The following PGGT1B variants were observed in gnomAD, a reference collection of about 807,000 sequenced individuals.
PGGT1B encodes the protein protein geranylgeranyltransferase type I subunit beta, also known as geranylgeranyl transferase type-1 subunit beta.
In PGGT1B, 30 loss-of-function variants were observed where a neutral mutation model predicts 46.1. The observed-to-expected ratio is 0.65, with a 90% CI of 0.49 to 0.88. The LOEUF is 0.88. Among genes scored for constraint, PGGT1B ranks in the 40% least tolerant of loss-of-function variants. PGGT1B has a pLI of 0.00. For synonymous variants in PGGT1B, 170 were observed against 160.0 expected, an observed-to-expected ratio of 1.06 and a Z score of -0.47; for missense variants, 376 against 455.9, an observed-to-expected ratio of 0.82 and a Z score of 1.60.
chr5:115,250,570 A>G (rs1748048364), intron 2 of PGGT1B, among the ~76,000 whole-genome samples: 1 of 152,184 alleles, frequency 6.6e-6, no homozygotes, highest in Non-Finnish European at 1.5e-5. Context: ...AAGTCCATGG[A>G]GTTGACAGTT....
intron 1 of PGGT1B, among the ~76,000 whole-genome samples, chr5:115,257,857 G>A (rs536024229): frequency 2.4e-4 from 37 of 152,336 alleles, no homozygotes; most frequent in Non-Finnish European, 4.1e-4. Context: ...AACCATGTCA[G>A]TGAAGAGAGA....
intron 4 of PGGT1B, 104 bp from the exon 5 acceptor site, chr5:115,236,626 CTGTT>C: frequency 3.3e-6 from 2 of 609,484 alleles, no homozygotes; most frequent in Non-Finnish European, 5.4e-6. Flanking sequence ...ACAGAAAAAT[CTGTT>C]GATTATTCTA....
At chr5:115,255,279 C>T (rs973863679) in intron 1 of PGGT1B, among the ~76,000 whole-genome samples, 2 of 152,140 alleles carry the variant, frequency 1.3e-5, no homozygotes, top group Non-Finnish European at 2.9e-5. Flanking sequence ...GAGGAATGTG[C>T]TTCTCCAAAC....
At chr5:115,214,035 T>A (rs535959225) in intron 8 of PGGT1B, among the ~76,000 whole-genome samples, 6 of 152,300 alleles carry the variant, frequency 3.9e-5, no homozygotes, top group African/African-American at 1.4e-4. Flanking sequence ...ATAAACTTGA[T>A]TTCACCTGTC....
intron 5 of PGGT1B, chr5:115,231,572 C>T (rs1043482450): frequency 2.6e-5 from 4 of 152,026 alleles, no homozygotes; most frequent in Admixed American, 2.6e-4. Context: ...TTCAGATTAC[C>T]TGTCTACAGA....
intron 2 of PGGT1B, among the ~76,000 whole-genome samples, chr5:115,246,731 G>A (rs891750884): frequency 3.3e-5 from 5 of 152,134 alleles, no homozygotes; most frequent in African/African-American, 1.2e-4. Flanking sequence ...ATAGGGCCTG[G>A]AAAATTGTAT....
Position 115,221,971 on chromosome 5 carries a change from C to T in PGGT1B, c.696G>A (p.Leu232=). 1 of 1,599,230 alleles carries T rather than the reference C, an allele frequency of 6.3e-7. No individual in the cohort carries two copies. Among genetic ancestry groups the T allele is most frequent in the Non-Finnish European group, 8.5e-7 (1 of 1,174,116 alleles). Residue 232 remains leucine, a synonymous_variant, in exon 7 of 9, where the codon CTG becomes CTA. Transcript: ENST00000419445. ...STFCGIASLC[L]MGKLEEVFSE... is the part of the protein sequence containing the mutation. ...AAAAAACTTCTTCTAGTTTACCCAT[C>T]AGACATAGTGAGGCAATGCCACAAA...
chr5:115,233,983 G>A (rs1484633563), intron 5 of PGGT1B, among the ~76,000 whole-genome samples: 1 of 151,832 alleles, frequency 6.6e-6, no homozygotes, highest in Non-Finnish European at 1.5e-5. Flanking sequence ...AAATATATAT[G>A]CAGGAAGTTA....
intron 7 of PGGT1B, among the ~76,000 whole-genome samples, chr5:115,219,539 C>A (rs1275145509): frequency 6.6e-6 from 1 of 151,592 alleles, no homozygotes; most frequent in Non-Finnish European, 1.5e-5. Flanking sequence ...GTGGATTCAG[C>A]AATAATTTTA....
At chr5:115,224,704 T>C (rs745762180) in intron 6 of PGGT1B, among the ~76,000 whole-genome samples, 18 of 151,814 alleles carry the variant, frequency 1.2e-4, no homozygotes, top group Non-Finnish European at 1.8e-4. Flanking sequence ...ACCCTGTCTC[T>C]ACAAAAAAAT....
chr5:115,262,224 C>T (rs972955862), intron 1 of PGGT1B, among the ~76,000 whole-genome samples: 1 of 152,188 alleles, frequency 6.6e-6, no homozygotes, highest in Admixed American at 6.5e-5. Flanking sequence ...CCTCTTTCGC[C>T]TACCATTAGA....
In PGGT1B at chr5:115,210,470, T is replaced by C. The variant is rs1202598983; in HGVS notation, c.*1932A>G. 1 of 152,102 alleles carries C rather than the reference T, an allele frequency of 6.6e-6. No homozygotes were observed. Among genetic ancestry groups the C allele is most frequent in the Admixed American group, 6.6e-5 (1 of 15,250 alleles). The allele number at this position is 152,102 out of a possible 1,614,324, so 9.4% of individuals were successfully genotyped here. A position where few individuals can be genotyped will look rare whatever the true frequency, so the allele number is the denominator to read the frequency against. On this transcript the variant is annotated 3_prime_UTR_variant, in exon 9 of 9. Transcript: ENST00000419445. ...GCTGTGGAATGTGAACATTTACTAG[T>C]CCATAAAGTTTCACAAGAAAGTCTC...
At chr5:115,228,499 A>G (rs372177196) in intron 6 of PGGT1B, among the ~76,000 whole-genome samples, 40 of 152,306 alleles carry the variant, frequency 2.6e-4, no homozygotes, top group African/African-American at 8.4e-4. Flanking sequence ...TTGCAATTCT[A>G]TTATAAATAC....
At chr5:115,225,512 G>A (rs1225786231) in intron 6 of PGGT1B, among the ~76,000 whole-genome samples, 1 of 152,106 alleles carries the variant, frequency 6.6e-6, no homozygotes, top group Non-Finnish European at 1.5e-5. Context: ...TATATACTAA[G>A]TTATCAGAAA....
At chr5:115,262,612 G>C (rs1748612467) in intron 1 of PGGT1B, 100 bp downstream of exon 1, 1 of 1,354,196 alleles carries the variant, frequency 7.4e-7, no homozygotes. Context: ...GGGCGGCCGC[G>C]CAGCCCCCTT....
Position 115,236,819 on chromosome 5 carries a change from T to C in PGGT1B, c.480-297A>G, listed in dbSNP as rs1042069367. Among the ~76,000 whole-genome samples, 11 of 152,252 alleles carry C rather than the reference T, an allele frequency of 7.2e-5. 1 individual carries two copies. Among genetic ancestry groups the C allele is most frequent in the Admixed American group, 2.0e-4 (3 of 15,296 alleles). Reference sequence around the variant, plus strand: ...TACTCAGCATAAGCTTATTTGATCCTAGCCAGGGACAGCTGCAGTATACTG... The same window carrying C: ...TACTCAGCATAAGCTTATTTGATCCCAGCCAGGGACAGCTGCAGTATACTG... On this transcript the variant is annotated intron_variant, in intron 4 of 8. Coordinates refer to ENST00000419445, the MANE Select transcript of PGGT1B (RefSeq NM_005023.4).
rs556491473 is a variant in PGGT1B, at chr5:115,213,656, G to A, written c.953-1073C>T. ...TATGGTGGCGTGCGCCTGTAGTTCC[G>A]GCTACTCGGGAGGCTGAGGTGGGAG... On this transcript the variant is annotated intron_variant, in intron 8 of 8. Transcript: ENST00000419445. Among the ~76,000 whole-genome samples, 15 of 151,782 alleles carry A rather than the reference G, an allele frequency of 9.9e-5. No individual in the cohort carries two copies. The South Asian group carries it at 1.9e-3, about 19-fold the overall frequency.
intron 7 of PGGT1B, among the ~76,000 whole-genome samples, chr5:115,218,216 AGTCT>A (rs1756479202): frequency 6.6e-6 from 1 of 151,762 alleles, no homozygotes; most frequent in Admixed American, 6.6e-5. Context: ...ATAAGAAGTC[AGTCT>A]GTGATTTAAA....
chr5:115,241,529 T>G lies in PGGT1B; in HGVS notation c.327+10A>C, dbSNP rs181688180. Reference sequence around the variant, plus strand: ...CCCTTCTACTTCCTTCTGAACCAAATAGAACCAACCTTTGATGGATTGAAC... The same window carrying G: ...CCCTTCTACTTCCTTCTGAACCAAAGAGAACCAACCTTTGATGGATTGAAC... On this transcript the variant is annotated intron_variant, in intron 3 of 8. Transcript: ENST00000419445. 8 of 1,582,936 alleles carry G rather than the reference T, an allele frequency of 5.1e-6. 1 individual carries two copies. In the South Asian group the frequency reaches 8.0e-5, roughly 16 times the overall value.
Sources: gnomAD v4.1 joint callset for allele counts (sites outside exome capture counted in the v4.1 genomes callset) on GRCh38, gnomAD v4.1.1 for gene constraint, MANE v1.5 for transcripts, NCBI Gene and HGNC (gene_info 2026-07-23, HGNC 2026-07-21) for gene names.